RAD54L: variants seen among roughly 807,000 people sequenced by gnomAD.
RAD54L encodes DNA repair and recombination protein RAD54-like.
Under a neutral mutation model 91.6 loss-of-function variants are expected in RAD54L, and 74 were observed. The ratio of observed to expected loss-of-function variants is 0.81; its 90% CI spans 0.67 to 0.98. The LOEUF (loss-of-function observed/expected upper bound fraction) is 0.98. RAD54L is among the 50% of genes least tolerant of loss of function. The pLI is 0.00. For synonymous variants in RAD54L, 304 were observed against 349.7 expected, an observed-to-expected ratio of 0.87 and a Z score of 1.46; for missense variants, 887 against 945.7, an observed-to-expected ratio of 0.94 and a Z score of 0.81.
intron 8 of RAD54L, among the ~76,000 whole-genome samples, chr1:46,264,184 C>G (rs1660205867): frequency 6.6e-6 from 1 of 152,230 alleles, no homozygotes; most frequent in African/African-American, 2.4e-5. Context: ...GAGGCTGCCT[C>G]TTATCACACT....
intron 3 of RAD54L, among the ~76,000 whole-genome samples, chr1:46,251,307 C>T (rs1464530251): frequency 2.6e-5 from 4 of 152,048 alleles, no homozygotes; most frequent in Non-Finnish European, 5.9e-5. Context: ...AGTGAAAATC[C>T]GTCCCCAAAA....
At chr1:46,254,583 C>CTT (rs768862202) in intron 3 of RAD54L, among the ~76,000 whole-genome samples, 40 of 130,158 alleles carry the variant, frequency 3.1e-4, no homozygotes, top group Non-Finnish European at 3.5e-4. Context: ...GGAGCACTGA[C>CTT]TTTTTTTTTT....
At position 46,278,179 on chromosome 1, in the gene RAD54L, G is replaced by A. The variant is rs1660679299; in HGVS notation, c.2141G>A (p.Gly714Glu). The A allele has an allele frequency of 9.3e-6, 15 of 1,613,770 alleles. No individual in the cohort carries two copies. Among genetic ancestry groups the A allele is most frequent in the Non-Finnish European group, 1.2e-5 (14 of 1,179,898 alleles). The change falls in exon 18 of 18, where the codon GGG (glycine) becomes GAG (glutamate). Residue 714 changes from glycine to glutamate, a missense_variant. By Grantham distance (98) the Gly-to-Glu change is moderately conservative. Transcript: ENST00000371975. ...AGWNHCTDKW[G>E]LRDEVLQAAW... ...TGGAACCACTGCACTGATAAGTGGG[G>A]GCTCCGGGATGAGGTACTCCAGGCT...
At position 46,278,326 on chromosome 1, in the gene RAD54L, GA is replaced by G; in HGVS notation, c.*48del. 2 of 1,551,944 alleles carry G rather than the reference GA, an allele frequency of 1.3e-6. No individual in the cohort carries two copies. Among genetic ancestry groups the G allele is most frequent in the Non-Finnish European group, 1.8e-6 (2 of 1,140,228 alleles). On this transcript the variant is annotated 3_prime_UTR_variant, in exon 18 of 18. Transcript: ENST00000371975. ...GTAGCTCTTAGAGGAAGGAGATAGG[GA>G]AAAGGGGCTCCTTGCTCCACAGGGC... is the stretch of plus-strand genomic sequence containing the variant.
intron 1 of RAD54L, 24 bp from the exon 2 acceptor site, chr1:46,248,488 A>G (rs1659710828): frequency 6.2e-6 from 10 of 1,613,980 alleles, no homozygotes; most frequent in Non-Finnish European, 8.5e-6. Context: ...CCTTGCAGGC[A>G]CTGTTTCTGT....
intron 3 of RAD54L, among the ~76,000 whole-genome samples, 157 bp from the exon 4 acceptor site, chr1:46,258,529 A>G (rs1207362051): frequency 1.3e-5 from 2 of 152,184 alleles, no homozygotes; most frequent in South Asian, 2.1e-4. Context: ...TGGTTGACTG[A>G]GGCTGGGCCC....
intron 3 of RAD54L, among the ~76,000 whole-genome samples, chr1:46,254,787 G>A (rs1195382802): frequency 6.6e-6 from 1 of 152,058 alleles, no homozygotes; most frequent in Non-Finnish European, 1.5e-5. Context: ...AGGTCTCACT[G>A]TGTTGCCCAG....
chr1:46,266,500 T>C (rs1056933896), intron 8 of RAD54L, among the ~76,000 whole-genome samples: 3 of 152,228 alleles, frequency 2.0e-5, no homozygotes, highest in Non-Finnish European at 4.4e-5. Context: ...GAGGGAAGGT[T>C]GTCCTTTATG....
At chr1:46,267,760 C>A in intron 9 of RAD54L, 151 bp downstream of exon 9, 1 of 1,113,034 alleles carries the variant, frequency 9.0e-7, no homozygotes, top group South Asian at 1.3e-5. Flanking sequence ...CAGGGAGTAG[C>A]AAAGCCATTG....
chr1:46,273,524 T>G, intron 13 of RAD54L, 59 bp downstream of exon 13: 4 of 1,611,354 alleles, frequency 2.5e-6, no homozygotes, highest in Non-Finnish European at 3.4e-6. Context: ...AGATTTTTTT[T>G]TGTGCTAGGG....
intron 16 of RAD54L, among the ~76,000 whole-genome samples, chr1:46,275,250 A>G (rs1660559764): frequency 6.6e-6 from 1 of 152,186 alleles, no homozygotes; most frequent in South Asian, 2.1e-4. Flanking sequence ...GTGGTTATCC[A>G]GCACTCTGGC....
chr1:46,248,587 C>A lies in RAD54L; in HGVS notation c.79C>A (p.Pro27Thr), dbSNP rs1410796512. The part of the protein sequence containing the change: ...GRSCDDEDWQ[P>T]GLVTPRKRKS... ...GTCCTGTGATGATGAAGACTGGCAA[C>A]CTGGCCTAGTGGTGAGCACTCAAGG... The change falls in exon 2 of 18, where the codon CCT becomes ACT. Residue 27 changes from proline (P) to threonine (T), a missense_variant. Coordinates refer to ENST00000371975, the MANE Select transcript of RAD54L (RefSeq NM_003579.4). The A allele has an allele frequency of 1.9e-6, 3 of 1,614,022 alleles. No homozygotes were observed. Among genetic ancestry groups the A allele is most frequent in the African/African-American group, 2.7e-5 (2 of 74,942 alleles).
At chr1:46,268,765 C>CT (rs1288576511) in intron 9 of RAD54L, among the ~76,000 whole-genome samples, 1 of 152,098 alleles carries the variant, frequency 6.6e-6, no homozygotes, top group Non-Finnish European at 1.5e-5. Context: ...ACAATTTATT[C>CT]TACTGGTTTG....
At chr1:46,268,352 T>C (rs1660324653) in intron 9 of RAD54L, among the ~76,000 whole-genome samples, 8 of 152,050 alleles carry the variant, frequency 5.3e-5, no homozygotes, top group African/African-American at 1.9e-4. Context: ...TCCTCATTCC[T>C]CCCTCCCCTA....
At position 46,248,263 on chromosome 1, in the gene RAD54L, A is replaced by G. The variant is rs1280223570; in HGVS notation, c.-143A>G. 2.8e-6 allele frequency: 3 copies of G among 1,075,724 alleles called. No homozygotes were observed. Among genetic ancestry groups the G allele is most frequent in the African/African-American group, 1.6e-5 (1 of 64,278 alleles). 66.6% of individuals were successfully genotyped at this position (1,075,724 alleles called of 1,614,324 possible). On this transcript the variant is annotated 5_prime_UTR_variant, in exon 1 of 18. An upstream start codon of the reference 5' UTR is lost. Coordinates refer to ENST00000371975, the MANE Select transcript of RAD54L (RefSeq NM_003579.4). ...GTTCCTGGATGGATTCCCGCCATCC[A>G]TGCCCCCTCTTTAATTAGCCGGTCC...
intron 15 of RAD54L, 94 bp from the exon 16 acceptor site, chr1:46,274,444 A>G: frequency 1.4e-6 from 2 of 1,416,446 alleles, no homozygotes; most frequent in African/African-American, 1.4e-5. Context: ...GGTACTGAGT[A>G]GTATAGAGGC....
At chr1:46,273,003 ATCT>A (rs770551113) in intron 12 of RAD54L, among the ~76,000 whole-genome samples, 60 of 152,282 alleles carry the variant, frequency 3.9e-4, no homozygotes, top group Middle Eastern at 6.8e-3. Flanking sequence ...AATTGAACTC[ATCT>A]TCTGTCCAGC....
intron 3 of RAD54L, among the ~76,000 whole-genome samples, chr1:46,250,820 C>G (rs1020810504): frequency 1.1e-4 from 16 of 150,986 alleles, no homozygotes; most frequent in African/African-American, 3.9e-4. Context: ...ACTAAAAATA[C>G]AAAAATTAAC....
chr1:46,272,523 G>GC lies in RAD54L; in HGVS notation c.1228dup (p.Gln410ProfsTer6). 1.2e-6 allele frequency: 2 copies of GC among 1,612,464 alleles called. No homozygotes were observed. The highest frequency in any genetic ancestry group is 1.7e-6 in the Non-Finnish European group (2 of 1,178,480). ...CTAAATATCTGCCTGTGAAGATTGA[G>GC]CAGGTCGTTTGTTGTAGGTACTGAA... On this transcript the variant is annotated frameshift_variant, in exon 11 of 18. Coordinates refer to ENST00000371975, the MANE Select transcript of RAD54L (RefSeq NM_003579.4). LOFTEE classifies it high-confidence loss of function.
Sources: gnomAD v4.1 joint callset for allele counts (sites outside exome capture counted in the v4.1 genomes callset) on GRCh38, gnomAD v4.1.1 for gene constraint, MANE v1.5 for transcripts, NCBI Gene and HGNC (gene_info 2026-07-23, HGNC 2026-07-21) for gene names.